MTA3: variants seen among roughly 807,000 people sequenced by gnomAD.
MTA3 encodes metastasis-associated protein MTA3.
A neutral mutation model predicts 83.5 loss-of-function variants in MTA3; 34 were observed. The observed-to-expected ratio is 0.41, with a 90% CI of 0.31 to 0.54. MTA3 has a LOEUF of 0.54. Ranked by LOEUF, MTA3 falls within the 20% of genes least tolerant of loss-of-function variation. The pLI is 0.33. For missense variants in MTA3, 761 were observed against 726.4 expected (o/e 1.05, Z -0.55); for synonymous variants, 303 against 252.7 (o/e 1.20, Z -1.89).
At chr2:42,528,842 C>T (rs1675834282) in intron 2 of MTA3, among the ~76,000 whole-genome samples, 1 of 152,236 alleles carries the variant, frequency 6.6e-6, no homozygotes, top group Non-Finnish European at 1.5e-5. Flanking sequence ...CAGAGCAACT[C>T]CATGCTGCTG....
intron 16 of MTA3, among the ~76,000 whole-genome samples, chr2:42,751,730 G>C (rs1157929362): frequency 1.3e-5 from 2 of 152,224 alleles, no homozygotes; most frequent in Admixed American, 6.5e-5. Flanking sequence ...ACCATGGCAG[G>C]CTAGAAACTT....
intron 9 of MTA3, among the ~76,000 whole-genome samples, chr2:42,693,456 A>G (rs1482268761): frequency 6.6e-6 from 1 of 152,158 alleles, no homozygotes; most frequent in African/African-American, 2.4e-5. Flanking sequence ...ACCACAATAT[A>G]AAATCCTTCC....
At chr2:42,521,890 G>T (rs1346457986) in intron 2 of MTA3, among the ~76,000 whole-genome samples, 1 of 151,770 alleles carries the variant, frequency 6.6e-6, no homozygotes, top group African/African-American at 2.4e-5. Flanking sequence ...GAGTAGCCGG[G>T]ATTACAGGCA....
chr2:42,746,108 T>G (rs933566108), intron 16 of MTA3, among the ~76,000 whole-genome samples: 7 of 152,136 alleles, frequency 4.6e-5, no homozygotes, highest in African/African-American at 1.7e-4. Context: ...CACTGCGCCC[T>G]GCCAAAATGG....
chr2:42,663,626 A>G (rs577654404), intron 8 of MTA3, among the ~76,000 whole-genome samples: 1 of 152,290 alleles, frequency 6.6e-6, no homozygotes, highest in Middle Eastern at 3.4e-3. Context: ...TTAGCCAGGC[A>G]TGGTGGTGAG....
intron 2 of MTA3, among the ~76,000 whole-genome samples, chr2:42,526,886 TCTACTAAAATAACAAAAATTAGCTGAGTG>T (rs1210659796): frequency 6.6e-6 from 1 of 151,756 alleles, no homozygotes; most frequent in Non-Finnish European, 1.5e-5. Context: ...AAACCCCGTC[TCTACTAAAATAACAAAAATTAGCTGAGTG>T]TGGTGATGCT....
chr2:42,507,626 GA>G (rs759165343), intron 2 of MTA3, among the ~76,000 whole-genome samples: 248 of 139,644 alleles, frequency 1.8e-3, no homozygotes, highest in Non-Finnish European at 2.4e-3. Flanking sequence ...TGTTTTTAAT[GA>G]AAAAAAAAAA....
At chr2:42,504,713 T>C (rs570782895) in intron 2 of MTA3, among the ~76,000 whole-genome samples, 2 of 151,546 alleles carry the variant, frequency 1.3e-5, no homozygotes, top group East Asian at 3.9e-4. Context: ...CCCAGGCTGG[T>C]CTTGAACTCC....
At chr2:42,686,836 G>A (rs1049270459) in intron 9 of MTA3, among the ~76,000 whole-genome samples, 6 of 147,468 alleles carry the variant, frequency 4.1e-5, no homozygotes, top group Non-Finnish European at 1.5e-5. Flanking sequence ...CAAAAAAAAA[G>A]GGCTGGGCAT....
chr2:42,746,974 C>T (rs1669483739), intron 16 of MTA3, among the ~76,000 whole-genome samples: 1 of 151,690 alleles, frequency 6.6e-6, no homozygotes, highest in South Asian at 2.1e-4. Flanking sequence ...GGGGGAAACC[C>T]AGCAAGTCTT....
intron 4 of MTA3, among the ~76,000 whole-genome samples, chr2:42,631,483 T>G (rs938376574): frequency 1.3e-5 from 2 of 152,180 alleles, no homozygotes; most frequent in African/African-American, 4.8e-5. Context: ...ATGTATTGTC[T>G]CAAGTACTTG....
chr2:42,723,527 C>G (rs558931635), intron 16 of MTA3, among the ~76,000 whole-genome samples: 43 of 152,202 alleles, frequency 2.8e-4, no homozygotes, highest in Non-Finnish European at 6.0e-4. Flanking sequence ...TGGGTGATGT[C>G]CTAAATACAG....
At chr2:42,673,865 G>A (rs1691075555) in intron 8 of MTA3, among the ~76,000 whole-genome samples, 1 of 152,228 alleles carries the variant, frequency 6.6e-6, no homozygotes, top group Admixed American at 6.5e-5. Flanking sequence ...AAGATCAGCA[G>A]CTGAGGACTG....
intron 4 of MTA3, among the ~76,000 whole-genome samples, chr2:42,615,711 CTTTTTTTTTTT>C (rs35331224): frequency 7.2e-4 from 43 of 59,810 alleles, no homozygotes; most frequent in Middle Eastern, 0.025. Flanking sequence ...ATAATCTCTT[CTTTTTTTTTTT>C]TTTTTTTTTT....
chr2:42,577,639 C>T (rs1038546635), intron 2 of MTA3, among the ~76,000 whole-genome samples: 2 of 152,028 alleles, frequency 1.3e-5, no homozygotes, highest in African/African-American at 4.8e-5. Context: ...TGCCACCACA[C>T]CCAGCTAATT....
chr2:42,702,387 G>C (rs1473294616), intron 11 of MTA3: 1 of 152,174 alleles, frequency 6.6e-6, no homozygotes, highest in Non-Finnish European at 1.5e-5. Flanking sequence ...CCTGATAGTT[G>C]TAATAACAAT....
At chr2:42,604,569 C>CTTT (rs1323312162) in intron 3 of MTA3, among the ~76,000 whole-genome samples, 1 of 47,444 alleles carries the variant, frequency 2.1e-5, no homozygotes, top group African/African-American at 1.6e-4. Context: ...CTGAATGTTT[C>CTTT]TTTTCTTTTT....
chr2:42,743,842 A>T (rs1350221183), intron 16 of MTA3, among the ~76,000 whole-genome samples: 2 of 151,004 alleles, frequency 1.3e-5, no homozygotes, highest in South Asian at 2.1e-4. Flanking sequence ...CACGAATTCC[A>T]AAAAAAATAG....
At chr2:42,589,586 T>C (rs916716165) in intron 3 of MTA3, among the ~76,000 whole-genome samples, 1 of 152,200 alleles carries the variant, frequency 6.6e-6, no homozygotes, top group Admixed American at 6.5e-5. Flanking sequence ...AGAGTTTTGC[T>C]CTTTCACCCA....
Sources: gnomAD v4.1 joint callset for allele counts (sites outside exome capture counted in the v4.1 genomes callset) on GRCh38, gnomAD v4.1.1 for gene constraint, MANE v1.5 for transcripts, NCBI Gene and HGNC (gene_info 2026-07-23, HGNC 2026-07-21) for gene names.